EYS: variants seen among roughly 807,000 people sequenced by gnomAD.
EYS encodes the protein EGF-like photoreceptor maintenance factor, also known as protein eyes shut homolog.
EYS carries 250 observed loss-of-function variants against 282.1 expected under a neutral mutation model. The ratio of observed to expected loss-of-function variants is 0.89; its 90% CI spans 0.80 to 0.98. EYS has a LOEUF of 0.98. Among genes scored for constraint, EYS ranks in the 50% least tolerant of loss-of-function variants. The pLI is 0.00. For synonymous variants in EYS, 1,355 were observed against 1,282.9 expected (o/e 1.06, Z -1.20); for missense variants, 4,016 against 3,709.0 (o/e 1.08, Z -2.15).
chr6:64,332,139 G>A (rs1770667995), intron 29 of EYS, among the ~76,000 whole-genome samples: 1 of 152,160 alleles, frequency 6.6e-6, no homozygotes, highest in African/African-American at 2.4e-5. Context: ...AGCTGTTAAA[G>A]AAGTTTTGTC....
intron 32 of EYS, among the ~76,000 whole-genome samples, chr6:64,080,411 T>G (rs1771923731): frequency 1.3e-5 from 2 of 152,094 alleles, no homozygotes; most frequent in South Asian, 4.2e-4. Context: ...GGGTTGTTTG[T>G]TTTTTTTCTT....
rs575445416 is a variant in EYS at position 64,788,281 on chromosome 6, G to A, written c.3443+25097C>T. On this transcript the variant is annotated intron_variant, in intron 22 of 42. Coordinates refer to ENST00000503581, the MANE Select transcript of EYS (RefSeq NM_001142800.2). ...AACTGTTAATTTTTCTTTCCCTGAG[G>A]TGGGGGAGCTGGTCCTACCTACGGC... 2.1e-4 allele frequency among the ~76,000 whole-genome samples: 32 copies of A among 152,172 alleles called. No homozygotes were observed. The East Asian group carries it at 6.0e-3, about 29-fold the overall frequency.
At chr6:64,365,257 G>A (rs901268781) in intron 29 of EYS, among the ~76,000 whole-genome samples, 2 of 151,960 alleles carry the variant, frequency 1.3e-5, no homozygotes, top group East Asian at 1.9e-4. Context: ...AAAAAGGAGG[G>A]AAGTGAGTGC....
rs11963647 is a variant in EYS, at chr6:65,499,418, T to C, written c.-332-3425A>G. ...ATTTCTATTTGCACTCAATAGACAA[T>C]ATTATGAACTGTGGAAGCCTTTAAT... is the stretch of plus-strand genomic sequence containing the variant. On this transcript the variant is annotated intron_variant, in intron 2 of 42. Coordinates refer to ENST00000503581, the MANE Select transcript of EYS (RefSeq NM_001142800.2). 8.0e-3 allele frequency among the ~76,000 whole-genome samples: 1,222 copies of C among 152,134 alleles called. 15 individuals carry two copies. The highest frequency in any genetic ancestry group is 0.026 in the African/African-American group (1,091 of 41,546).
intron 26 of EYS, among the ~76,000 whole-genome samples, chr6:64,522,880 A>T (rs1042036753): frequency 2.0e-5 from 3 of 151,804 alleles, no homozygotes; most frequent in Non-Finnish European, 2.9e-5. Context: ...GTGCACAGTT[A>T]AAGATGAAAA....
intron 22 of EYS, among the ~76,000 whole-genome samples, chr6:64,750,931 C>T (rs1772725362): frequency 6.6e-6 from 1 of 152,128 alleles, no homozygotes. Flanking sequence ...ATGCCAAGAA[C>T]TTGGTGCAGC....
chr6:65,688,643 C>G (rs1769120165), intron 1 of EYS, among the ~76,000 whole-genome samples: 2 of 152,056 alleles, frequency 1.3e-5, no homozygotes, highest in Non-Finnish European at 2.9e-5. Flanking sequence ...GGGATAATAT[C>G]CAGAATCTAC....
At chr6:65,386,438 C>T (rs1431679579) in intron 7 of EYS, among the ~76,000 whole-genome samples, 1 of 151,606 alleles carries the variant, frequency 6.6e-6, no homozygotes, top group African/African-American at 2.4e-5. Context: ...AACTTTCCTA[C>T]TGAGTTTCAG....
At chr6:65,378,032 T>C (rs1765444987) in intron 8 of EYS, among the ~76,000 whole-genome samples, 1 of 151,936 alleles carries the variant, frequency 6.6e-6, no homozygotes, top group African/African-American at 2.4e-5. Flanking sequence ...GATAGACAAA[T>C]GCGATCTAAT....
At chr6:64,307,528 G>A (rs976106144) in intron 29 of EYS, among the ~76,000 whole-genome samples, 1 of 152,062 alleles carries the variant, frequency 6.6e-6, no homozygotes, top group Admixed American at 6.6e-5. Flanking sequence ...CAAATCTGTG[G>A]TTATAAAGCC....
chr6:64,853,489 C>A (rs1184417600), intron 19 of EYS, among the ~76,000 whole-genome samples: 4 of 152,078 alleles, frequency 2.6e-5, no homozygotes, highest in Non-Finnish European at 5.9e-5. Flanking sequence ...TTGCCTCAAC[C>A]AATTGAGATT....
At chr6:65,570,004 A>C (rs1178091975) in intron 2 of EYS, among the ~76,000 whole-genome samples, 3 of 152,204 alleles carry the variant, frequency 2.0e-5, no homozygotes, top group Non-Finnish European at 4.4e-5. Flanking sequence ...AGTTGGAATG[A>C]GGGAAAGAGG....
At chr6:64,725,051 A>G (rs1382007058) in intron 22 of EYS, among the ~76,000 whole-genome samples, 6 of 152,178 alleles carry the variant, frequency 3.9e-5, no homozygotes, top group Non-Finnish European at 8.8e-5. Context: ...GGGTTAATAA[A>G]TAAAGAAGAA....
At chr6:65,653,850 T>C (rs911861691) in intron 1 of EYS, among the ~76,000 whole-genome samples, 1 of 151,868 alleles carries the variant, frequency 6.6e-6, no homozygotes, top group African/African-American at 2.4e-5. Context: ...GTCCTCTACA[T>C]CTCACATCCT....
chr6:64,017,641 G>A (rs946532599), intron 33 of EYS, among the ~76,000 whole-genome samples: 22 of 152,176 alleles, frequency 1.4e-4, no homozygotes, highest in African/African-American at 5.3e-4. Flanking sequence ...CAGTGGAACT[G>A]TTTCTTAGAC....
intron 5 of EYS, among the ~76,000 whole-genome samples, chr6:65,483,733 A>C (rs546091191): frequency 2.0e-5 from 3 of 152,120 alleles, no homozygotes; most frequent in Non-Finnish European, 2.9e-5. Context: ...GACATACCTG[A>C]GAATGGGCAA....
At chr6:65,462,778 C>T (rs554680568) in intron 5 of EYS, among the ~76,000 whole-genome samples, 27 of 152,066 alleles carry the variant, frequency 1.8e-4, no homozygotes, top group African/African-American at 6.5e-4. Context: ...AGTTATATGG[C>T]TTACATTTTA....
At position 64,421,958 on chromosome 6, in the gene EYS, A is replaced by G. The variant is rs558747499; in HGVS notation, c.5927+14216T>C. Among the ~76,000 whole-genome samples, 10 of 151,750 alleles carry G rather than the reference A, an allele frequency of 6.6e-5. No individual in the cohort carries two copies. The South Asian group carries it at 1.5e-3, about 22-fold the overall frequency. On this transcript the variant is annotated intron_variant, in intron 28 of 42. Coordinates refer to ENST00000503581, the MANE Select transcript of EYS (RefSeq NM_001142800.2). ...TTTGCCCTCTCCATCCTCCCCATCA[A>G]GAAACATTTCACAACAACTGGAACG... is the stretch of plus-strand genomic sequence containing the variant.
intron 22 of EYS, among the ~76,000 whole-genome samples, chr6:64,654,151 GA>G (rs1768665815): frequency 6.6e-6 from 1 of 152,002 alleles, no homozygotes; most frequent in Non-Finnish European, 1.5e-5. Flanking sequence ...GACATTATTG[GA>G]AACAGCAGTT....
Sources: gnomAD v4.1 joint callset for allele counts (sites outside exome capture counted in the v4.1 genomes callset) on GRCh38, gnomAD v4.1.1 for gene constraint, MANE v1.5 for transcripts, NCBI Gene and HGNC (gene_info 2026-07-23, HGNC 2026-07-21) for gene names.